The following AKAP10 variants were observed in gnomAD, a reference collection of about 807,000 sequenced individuals.
AKAP10 encodes A-kinase anchor protein 10, mitochondrial.
In AKAP10, 24 loss-of-function variants were observed where a neutral mutation model predicts 80.8. The observed-to-expected ratio is 0.30, with a 90% CI of 0.22 to 0.42. The LOEUF (loss-of-function observed/expected upper bound fraction) is 0.42. AKAP10 is among the 10% of genes least tolerant of loss of function. The pLI, the probability that AKAP10 is intolerant of heterozygous loss-of-function variation, is 1.00. For missense variants in AKAP10, 661 were observed against 794.9 expected (o/e 0.83, Z 2.03); for synonymous variants, 291 against 277.7 (o/e 1.05, Z -0.48).
At chr17:19,964,247 T>C (rs1490045469) in intron 2 of AKAP10, among the ~76,000 whole-genome samples, 1 of 152,208 alleles carries the variant, frequency 6.6e-6, no homozygotes, top group Non-Finnish European at 1.5e-5. Context: ...AAAATGCTAC[T>C]AACTCATTTG....
intron 12 of AKAP10, among the ~76,000 whole-genome samples, chr17:19,913,897 C>A (rs1204600101): frequency 6.6e-6 from 1 of 152,104 alleles, no homozygotes; most frequent in African/African-American, 2.4e-5. Flanking sequence ...GGAGTACTTA[C>A]CATGTGCTAG....
intron 12 of AKAP10, among the ~76,000 whole-genome samples, chr17:19,917,007 G>GT (rs1335868606): frequency 1.3e-5 from 2 of 151,910 alleles, no homozygotes; most frequent in Admixed American, 6.6e-5. Context: ...GCTCACGCCT[G>GT]TAACTCCAGC....
intron 5 of AKAP10, among the ~76,000 whole-genome samples, chr17:19,946,840 T>C (rs986199077): frequency 2.6e-5 from 4 of 152,086 alleles, no homozygotes; most frequent in Admixed American, 1.3e-4. Flanking sequence ...TCACAGGCCA[T>C]GTGATGGCTC....
chr17:19,952,285 G>A (rs2152416786), intron 4 of AKAP10, among the ~76,000 whole-genome samples: 1 of 151,790 alleles, frequency 6.6e-6, no homozygotes, highest in Admixed American at 6.6e-5. Flanking sequence ...CTAACATGGT[G>A]AAAATCCGTT....
chr17:19,937,990 T>C (rs996413979), intron 8 of AKAP10, among the ~76,000 whole-genome samples: 2 of 150,876 alleles, frequency 1.3e-5, no homozygotes, highest in African/African-American at 4.9e-5. Flanking sequence ...TTTTTTTTTT[T>C]TTTTTGAGAT....
At position 19,909,974 on chromosome 17, in the gene AKAP10, G is replaced by A. The variant is rs143579831; in HGVS notation, c.1839C>T (p.Ser613=). 1.2e-6 allele frequency: 2 copies of A among 1,613,216 alleles called. No homozygotes were observed. Residue 613 remains serine, a synonymous_variant, in exon 13 of 15, where the codon TCC becomes TCT. Coordinates refer to ENST00000225737, the MANE Select transcript of AKAP10 (RefSeq NM_007202.4). ...ATTTCTTCATAGCTTGTGAGAACAT[G>A]GATCCTAGTAAACAAAGACAAAATT... ...PEPDVRKSKG[S]MFSQAMKKWV...
intron 4 of AKAP10, among the ~76,000 whole-genome samples, chr17:19,957,368 C>T (rs988286950): frequency 2.0e-5 from 3 of 151,958 alleles, no homozygotes; most frequent in African/African-American, 4.8e-5. Flanking sequence ...GGTGAAACCC[C>T]GTCTCTACTA....
intron 10 of AKAP10, among the ~76,000 whole-genome samples, chr17:19,928,238 TAAATAA>T (rs1183336691): frequency 3.3e-5 from 5 of 151,148 alleles, no homozygotes; most frequent in Admixed American, 1.3e-4. Context: ...AAAAAATAAA[TAAATAA>T]AAATAAAAAT....
chr17:19,921,095 A>T (rs1480526619), intron 11 of AKAP10, among the ~76,000 whole-genome samples: 1 of 151,998 alleles, frequency 6.6e-6, no homozygotes, highest in African/African-American at 2.4e-5. Context: ...AAACCTGAAC[A>T]ATCAAGAGAC....
At chr17:19,954,691 C>T (rs1197486766) in intron 4 of AKAP10, among the ~76,000 whole-genome samples, 1 of 147,942 alleles carries the variant, frequency 6.8e-6, no homozygotes, top group Non-Finnish European at 1.5e-5. Flanking sequence ...GATGGGGTTT[C>T]ACCGCATTAG....
intron 2 of AKAP10, among the ~76,000 whole-genome samples, chr17:19,966,231 C>T (rs8079923): frequency 0.21 from 32,070 of 152,058 alleles, 3,652 homozygotes; most frequent in Middle Eastern, 0.29. Flanking sequence ...ATATCCCTCT[C>T]TCTCACACCT....
chr17:19,913,904 C>A (rs2042717563), intron 12 of AKAP10, among the ~76,000 whole-genome samples: 4 of 152,146 alleles, frequency 2.6e-5, no homozygotes, highest in Admixed American at 6.5e-5. Context: ...TTACCATGTG[C>A]TAGGCATAAT....
At chr17:19,957,063 AT>A (rs2043285675) in intron 4 of AKAP10, among the ~76,000 whole-genome samples, 1 of 152,176 alleles carries the variant, frequency 6.6e-6, no homozygotes. Flanking sequence ...AACATTTAAG[AT>A]GAAAAAGAAC....
intron 5 of AKAP10, among the ~76,000 whole-genome samples, chr17:19,945,775 T>A (rs1001671374): frequency 5.3e-5 from 8 of 152,162 alleles, no homozygotes; most frequent in African/African-American, 1.9e-4. Context: ...AAGCCCAACA[T>A]CGGGACAGAT....
intron 2 of AKAP10, among the ~76,000 whole-genome samples, chr17:19,966,940 C>T (rs368741716): frequency 3.3e-5 from 5 of 152,196 alleles, no homozygotes; most frequent in African/African-American, 1.2e-4. Context: ...TGGAATCTAA[C>T]TGGCTTTACA....
At position 19,962,703 on chromosome 17, in the gene AKAP10, T is replaced by C. The variant is rs955067276; in HGVS notation, c.319+137A>G. ...AGGAACACAACACAGCTACCCATTA[T>C]ACTTGTAGCTGTTATTTTAAATACA... is the stretch of plus-strand genomic sequence containing the variant. On this transcript the variant is annotated intron_variant, in intron 3 of 14. Coordinates refer to ENST00000225737, the MANE Select transcript of AKAP10 (RefSeq NM_007202.4). The C allele has an allele frequency of 9.3e-6, 8 of 859,056 alleles. No homozygotes were observed. In the African/African-American group the frequency reaches 1.0e-4, roughly 11 times the overall value. The allele number at this position is 859,056 out of a possible 1,614,324, so 53.2% of individuals were successfully genotyped here.
intron 10 of AKAP10, 128 bp downstream of exon 10, chr17:19,931,677 C>T (rs1567758164): frequency 3.6e-6 from 4 of 1,098,496 alleles, no homozygotes; most frequent in Non-Finnish European, 5.0e-6. Flanking sequence ...AGGCACAGGC[C>T]ACTGTGCCTG....
At chr17:19,916,712 C>A (rs1242783467) in intron 12 of AKAP10, among the ~76,000 whole-genome samples, 1 of 150,002 alleles carries the variant, frequency 6.7e-6, no homozygotes, top group African/African-American at 2.5e-5. Context: ...CCGAGGTGGG[C>A]GGATCACGAC....
intron 5 of AKAP10, among the ~76,000 whole-genome samples, chr17:19,945,671 A>G (rs539399784): frequency 6.6e-6 from 1 of 152,166 alleles, no homozygotes; most frequent in African/African-American, 2.4e-5. Flanking sequence ...TGGAAGGTAC[A>G]GTGGGCCAAT....
Sources: gnomAD v4.1 joint callset for allele counts (sites outside exome capture counted in the v4.1 genomes callset) on GRCh38, gnomAD v4.1.1 for gene constraint, MANE v1.5 for transcripts, NCBI Gene and HGNC (gene_info 2026-07-23, HGNC 2026-07-21) for gene names.